The following PLEKHM3 variants were observed in gnomAD, a reference collection of about 807,000 sequenced individuals.
The protein encoded by PLEKHM3 is pleckstrin homology domain containing M3, also known as pleckstrin homology domain-containing family M member 3.
In PLEKHM3, 45 loss-of-function variants were observed where a neutral mutation model predicts 81.8. The ratio of observed to expected loss-of-function variants is 0.55; its 90% confidence interval spans 0.43 to 0.71. The LOEUF is 0.71. Ranked by LOEUF, PLEKHM3 falls within the 30% of genes least tolerant of loss-of-function variation. The pLI, the probability that PLEKHM3 is intolerant of heterozygous loss-of-function variation, is 0.00. For missense variants in PLEKHM3, 788 were observed against 924.3 expected, an observed-to-expected ratio of 0.85 and a Z score of 1.91; for synonymous variants, 352 against 356.4, an observed-to-expected ratio of 0.99 and a Z score of 0.14.
chr2:207,853,432 A>G (rs971352350), intron 7 of PLEKHM3, among the ~76,000 whole-genome samples: 7 of 150,458 alleles, frequency 4.7e-5, no homozygotes, highest in African/African-American at 1.7e-4. Flanking sequence ...AAAAAAAAAA[A>G]TCATTTATTA....
intron 2 of PLEKHM3, among the ~76,000 whole-genome samples, chr2:207,982,696 A>G (rs1398489847): frequency 6.6e-6 from 1 of 150,746 alleles, no homozygotes; most frequent in African/African-American, 2.4e-5. Flanking sequence ...CTCCTGCCTC[A>G]GCCTCCTGAG....
intron 5 of PLEKHM3, among the ~76,000 whole-genome samples, chr2:207,919,645 A>C (rs888519025): frequency 6.6e-6 from 1 of 152,204 alleles, no homozygotes; most frequent in Admixed American, 6.5e-5. Context: ...CCATGAAGCA[A>C]GATGGGAAAT....
intron 4 of PLEKHM3, among the ~76,000 whole-genome samples, chr2:207,943,661 G>A (rs983151663): frequency 1.3e-5 from 2 of 151,964 alleles, no homozygotes; most frequent in Non-Finnish European, 2.9e-5. Context: ...GAGGTCAGGA[G>A]ATCGAGACCA....
At chr2:207,977,963 T>C (rs1179360209) in intron 2 of PLEKHM3, among the ~76,000 whole-genome samples, 2 of 152,154 alleles carry the variant, frequency 1.3e-5, no homozygotes, top group Non-Finnish European at 2.9e-5. Flanking sequence ...GGCACATGCC[T>C]GTAGCCCTAG....
At chr2:207,949,153 C>T (rs1300986370) in intron 3 of PLEKHM3, among the ~76,000 whole-genome samples, 3 of 152,246 alleles carry the variant, frequency 2.0e-5, no homozygotes, top group Admixed American at 1.3e-4. Context: ...AACTGATCCT[C>T]TTAACCTGAT....
chr2:207,850,103 C>T (rs1008432048), intron 7 of PLEKHM3, among the ~76,000 whole-genome samples: 3 of 152,240 alleles, frequency 2.0e-5, no homozygotes, highest in South Asian at 2.1e-4. Context: ...TTTCTAGCAA[C>T]CCCCTATCAC....
At chr2:208,016,696 C>CACACACACACACACA (rs368432659) in intron 1 of PLEKHM3, among the ~76,000 whole-genome samples, 128 of 148,412 alleles carry the variant, frequency 8.6e-4, no homozygotes, top group South Asian at 1.3e-3. Flanking sequence ...CACACACACA[C>CACACACACACACACA]CCTGGTTTCA....
chr2:208,012,091 G>C (rs1171252723), intron 1 of PLEKHM3, among the ~76,000 whole-genome samples: 1 of 151,944 alleles, frequency 6.6e-6, no homozygotes, highest in Non-Finnish European at 1.5e-5. Context: ...GCCCAGGCTG[G>C]AGTCCAGTGG....
At chr2:207,909,371 G>A (rs779560054) in intron 5 of PLEKHM3, among the ~76,000 whole-genome samples, 1 of 152,136 alleles carries the variant, frequency 6.6e-6, no homozygotes, top group Admixed American at 6.6e-5. Context: ...CAAAATCCAT[G>A]ATACTAACAT....
intron 6 of PLEKHM3, among the ~76,000 whole-genome samples, chr2:207,888,857 A>T (rs1687963252): frequency 6.6e-6 from 1 of 152,148 alleles, no homozygotes; most frequent in South Asian, 2.1e-4. Context: ...AGCAGAATAA[A>T]CTCAGGGGCA....
chr2:207,902,395 T>C (rs1688461089), intron 6 of PLEKHM3, among the ~76,000 whole-genome samples: 1 of 152,210 alleles, frequency 6.6e-6, no homozygotes, highest in Admixed American at 6.5e-5. Context: ...GGCCTTGAAA[T>C]ACCTTAAACA....
rs1692319817 is a variant in PLEKHM3 at position 208,001,940 on chromosome 2, A to G, written c.-301T>C. The G allele has an allele frequency of 2.8e-6, 1 of 355,350 alleles. No homozygotes were observed. The highest frequency in any genetic ancestry group is 2.1e-5 in the African/African-American group (1 of 48,436). 22.0% of individuals were successfully genotyped at this position (355,350 alleles called of 1,614,324 possible). On this transcript the variant is annotated 5_prime_UTR_variant, in exon 2 of 8. Transcript: ENST00000427836. Reference sequence around the variant, plus strand: ...AGCAAGTACTTGTCAAAGCAATGCCACGCCAATCCTTGATTTCCTGGAAGA... The same window carrying G: ...AGCAAGTACTTGTCAAAGCAATGCCGCGCCAATCCTTGATTTCCTGGAAGA...
chr2:207,934,525 G>A (rs895252159), intron 4 of PLEKHM3, among the ~76,000 whole-genome samples: 3 of 152,100 alleles, frequency 2.0e-5, no homozygotes, highest in African/African-American at 7.2e-5. Flanking sequence ...AACAGTTTAA[G>A]CTATAAGAAC....
At chr2:207,844,581 C>T (rs2092373438) in intron 7 of PLEKHM3, among the ~76,000 whole-genome samples, 1 of 152,098 alleles carries the variant, frequency 6.6e-6, no homozygotes, top group Non-Finnish European at 1.5e-5. Flanking sequence ...GCTGGGATTA[C>T]AGGCGTGAGC....
chr2:207,879,456 A>G (rs1034286544), intron 6 of PLEKHM3, among the ~76,000 whole-genome samples: 1 of 152,256 alleles, frequency 6.6e-6, no homozygotes, highest in Non-Finnish European at 1.5e-5. Context: ...GGCCTTTCCA[A>G]GTGCATTCAA....
intron 3 of PLEKHM3, among the ~76,000 whole-genome samples, chr2:207,969,193 C>T (rs139368609): frequency 1.3e-5 from 2 of 152,304 alleles, no homozygotes; most frequent in Admixed American, 6.5e-5. Context: ...TTTTCAAGAG[C>T]GTAATACACA....
chr2:207,872,335 T>C (rs2092538813), intron 6 of PLEKHM3, among the ~76,000 whole-genome samples: 2 of 152,222 alleles, frequency 1.3e-5, no homozygotes, highest in South Asian at 4.1e-4. Flanking sequence ...AGTTTTGATC[T>C]GAACTGGATC....
chr2:207,840,957 T>C (rs569890487), intron 7 of PLEKHM3, among the ~76,000 whole-genome samples: 216 of 151,780 alleles, frequency 1.4e-3, no homozygotes, highest in Non-Finnish European at 2.5e-3. Flanking sequence ...TGTGCCACCA[T>C]GCTTGGCTAA....
At chr2:208,020,709 GA>G (rs918886998) in intron 1 of PLEKHM3, among the ~76,000 whole-genome samples, 2 of 151,080 alleles carry the variant, frequency 1.3e-5, no homozygotes, top group African/African-American at 2.4e-5. Flanking sequence ...AACGCAAGAA[GA>G]AAAAAAAACT....
Sources: gnomAD v4.1 joint callset for allele counts (sites outside exome capture counted in the v4.1 genomes callset) on GRCh38, gnomAD v4.1.1 for gene constraint, MANE v1.5 for transcripts, NCBI Gene and HGNC (gene_info 2026-07-23, HGNC 2026-07-21) for gene names.